The following CD276 variants were observed in gnomAD, a reference collection of about 807,000 sequenced individuals.
The protein encoded by CD276 is CD276 molecule.
CD276 carries 34 observed loss-of-function variants against 50.0 expected under a neutral mutation model. The ratio of observed to expected loss-of-function variants is 0.68; its 90% CI spans 0.52 to 0.91. The LOEUF (loss-of-function observed/expected upper bound fraction) is 0.91. Ranked by LOEUF, CD276 falls within the 40% of genes least tolerant of loss-of-function variation. The probability of loss-of-function intolerance (pLI) is 0.00; values close to 1 mark genes in which losing one functional copy is unlikely to be tolerated. For missense variants in CD276, 634 were observed against 717.5 expected (o/e 0.88, Z 1.33); for synonymous variants, 275 against 313.0 (o/e 0.88, Z 1.28).
chr15:73,685,350 T>A (rs1899706849), intron 1 of CD276, among the ~76,000 whole-genome samples: 1 of 152,036 alleles, frequency 6.6e-6, no homozygotes, highest in African/African-American at 2.4e-5. Flanking sequence ...GGGGATTTAT[T>A]TCTAAGCCAA....
chr15:73,690,677 C>A, intron 1 of CD276: 1 of 455,830 alleles, frequency 2.2e-6, no homozygotes, highest in East Asian at 7.0e-5. Context: ...ACAGGCCCCA[C>A]CTCTTAATAC....
chr15:73,699,741 G>A (rs768763911), intron 2 of CD276, 23 bp downstream of exon 2: 24 of 1,568,174 alleles, frequency 1.5e-5, no homozygotes, highest in African/African-American at 9.5e-5. Flanking sequence ...GCATGGGGAC[G>A]GGAGGGGAGG....
Position 73,697,932 on chromosome 15 carries a change from A to G in CD276, c.-54-1654A>G, listed in dbSNP as rs192110957. On this transcript the variant is annotated intron_variant, in intron 1 of 9. Transcript: ENST00000318443. ...AGTGTTACAGCCTATCTCCCAGGGT[A>G]TTAGGAGGACGTGAAATCATTTCTA... Among the ~76,000 whole-genome samples the G allele has an allele frequency of 9.2e-4, 140 of 152,266 alleles. 1 individual carries two copies. Among genetic ancestry groups the G allele is most frequent in the African/African-American group, 3.1e-3 (129 of 41,550 alleles).
At position 73,709,783 on chromosome 15, in the gene CD276, G is replaced by C. The variant is rs555106059; in HGVS notation, c.1546+94G>C. 12 of 1,291,350 alleles carry C rather than the reference G, an allele frequency of 9.3e-6. No individual in the cohort carries two copies. The East Asian group carries it at 2.6e-4, about 28-fold the overall frequency. The allele number at this position is 1,291,350 out of a possible 1,614,324, so 80.0% of individuals were successfully genotyped here. ...AGGATCTGGAGGGGCCAGATTTGCT[G>C]TAAGGTTTGAATGAAATGTGTTCTG... On this transcript the variant is annotated intron_variant, in intron 8 of 9. Coordinates refer to ENST00000318443, the MANE Select transcript of CD276 (RefSeq NM_001024736.2).
rs970085460 is a variant in CD276 at position 73,712,877 on chromosome 15, C to T, written c.1583-57C>T. The T allele has an allele frequency of 1.4e-5, 22 of 1,574,396 alleles. No individual in the cohort carries two copies. The East Asian group carries it at 4.5e-4, about 32-fold the overall frequency. ...TTCTGGCATAATCCCAAAAATAGAT[C>T]TTCTGGCATCTAATGCTTTTCCCTT... On this transcript the variant is annotated intron_variant, in intron 9 of 9. Transcript: ENST00000318443.
At chr15:73,697,435 G>A (rs889722398) in intron 1 of CD276, among the ~76,000 whole-genome samples, 3 of 152,056 alleles carry the variant, frequency 2.0e-5, no homozygotes, top group Non-Finnish European at 2.9e-5. Context: ...GCCTGGAATG[G>A]AATTGAGGCT....
In CD276 at chr15:73,709,269, G is replaced by C. The variant is rs549244178; in HGVS notation, c.1505-379G>C. 2.6e-5 allele frequency among the ~76,000 whole-genome samples: 4 copies of C among 152,140 alleles called. No homozygotes were observed. In the East Asian group the frequency reaches 7.7e-4, roughly 29 times the overall value. ...GATGGTCTTTGGCTGGGTGTGTGGC[G>C]GGGGCTCCAGGTTGAGTGGATGGTC... On this transcript the variant is annotated intron_variant, in intron 7 of 9. Transcript: ENST00000318443.
At chr15:73,705,342 C>G (rs1455143055) in intron 6 of CD276, among the ~76,000 whole-genome samples, 1 of 152,170 alleles carries the variant, frequency 6.6e-6, no homozygotes, top group Non-Finnish European at 1.5e-5. Context: ...TGATCTCACC[C>G]CAAGTTTCCA....
chr15:73,693,639 G>T (rs1055310628), intron 1 of CD276, among the ~76,000 whole-genome samples: 1 of 152,160 alleles, frequency 6.6e-6, no homozygotes, highest in African/African-American at 2.4e-5. Context: ...TTGGTGAATG[G>T]TGTGACATGG....
chr15:73,710,188 C>T (rs1211152300), intron 8 of CD276, among the ~76,000 whole-genome samples: 1 of 152,180 alleles, frequency 6.6e-6, no homozygotes, highest in Non-Finnish European at 1.5e-5. Context: ...ATATCTAGTG[C>T]CAAGTGCTTA....
intron 6 of CD276, among the ~76,000 whole-genome samples, chr15:73,705,205 T>C (rs1900602117): frequency 6.6e-6 from 1 of 152,204 alleles, no homozygotes; most frequent in Admixed American, 6.5e-5. Context: ...TATCTCTCCC[T>C]GGCCAACTGA....
chr15:73,701,119 C>T (rs1338738221), intron 2 of CD276, among the ~76,000 whole-genome samples: 3 of 151,472 alleles, frequency 2.0e-5, no homozygotes, highest in African/African-American at 4.9e-5. Flanking sequence ...TGGTCTCGAA[C>T]GCCTGACCTC....
In CD276 at chr15:73,704,241, A is replaced by T. The variant is rs1320062782; in HGVS notation, c.1138A>T (p.Thr380Ser). 6.2e-7 allele frequency: 1 copy of T among 1,614,138 alleles called. No homozygotes were observed. ...GGACCTGCGGCCAGGGGACACGGTG[A>T]CCATCACGTGCTCCAGCTACCGGGG... is the stretch of plus-strand genomic sequence containing the variant. ...NKDLRPGDTVTITCSSYRGYP... is the reference protein window; with the variant it reads ...NKDLRPGDTVSITCSSYRGYP... Residue 380 changes from threonine (T) to serine (S), a missense_variant, in exon 6 of 10, where the codon ACC becomes TCC. Thr to Ser is a moderately conservative substitution (Grantham distance 58, BLOSUM62 1). Coordinates refer to ENST00000318443, the MANE Select transcript of CD276 (RefSeq NM_001024736.2). This position sits in a 1 kb window ranked among gnomAD's most constrained non-coding sequence, Gnocchi z 4.1.
At chr15:73,712,732 G>A (rs150806672) in intron 9 of CD276, among the ~76,000 whole-genome samples, 1,802 of 152,274 alleles carry the variant, frequency 0.012, 35 homozygotes, top group Middle Eastern at 0.061. Context: ...CAGGTGCCCC[G>A]GCGTGCCTGG....
At chr15:73,708,191 G>C (rs946552319) in intron 6 of CD276, 148 bp from the exon 7 acceptor site, 1 of 790,038 alleles carries the variant, frequency 1.3e-6, no homozygotes, top group African/African-American at 1.7e-5. Context: ...GTATGGCGAA[G>C]GGACTGTAGG....
At position 73,687,205 on chromosome 15, in the gene CD276, T is replaced by C. The variant is rs967195882; in HGVS notation, c.-55+2745T>C. On this transcript the variant is annotated intron_variant, in intron 1 of 9. Transcript: ENST00000318443. The surrounding 1 kb of genome is among the most constrained non-coding windows in gnomAD (Gnocchi z 4.0). The stretch of plus-strand genomic sequence containing the variant: ...CTTGCAGTGTGCCAGATAGGAGCAT[T>C]GGGTTTTCAGGTTTGGGAGTGGGTA... Among the ~76,000 whole-genome samples the C allele has an allele frequency of 6.6e-6, 1 of 152,092 alleles. No individual in the cohort carries two copies. The highest frequency in any genetic ancestry group is 2.4e-5 in the African/African-American group (1 of 41,408).
chr15:73,710,857 A>T (rs759429896), intron 8 of CD276, among the ~76,000 whole-genome samples: 1 of 152,142 alleles, frequency 6.6e-6, no homozygotes, highest in Admixed American at 6.5e-5. Flanking sequence ...GCACTTCCGC[A>T]TCTCCAGCTG....
intron 1 of CD276, among the ~76,000 whole-genome samples, chr15:73,691,650 G>A (rs979223589): frequency 2.6e-5 from 4 of 152,212 alleles, no homozygotes; most frequent in Non-Finnish European, 4.4e-5. Flanking sequence ...CTGCAGGAGT[G>A]CGGAGCCTTG....
intron 6 of CD276, 73 bp from the exon 7 acceptor site, chr15:73,708,266 G>A (rs1900725580): frequency 1.9e-6 from 3 of 1,555,978 alleles, no homozygotes; most frequent in South Asian, 2.4e-5. Flanking sequence ...GTTCACACTT[G>A]GAGCCAATGG....
Sources: allele counts gnomAD v4.1 joint callset (sites outside exome capture counted in the v4.1 genomes callset), GRCh38; gene constraint gnomAD v4.1.1; non-coding constraint Gnocchi (gnomAD v3.1); transcripts MANE v1.5; gene names NCBI Gene and HGNC (gene_info 2026-07-23, HGNC 2026-07-21).